GALNTL6: variants seen among roughly 807,000 people sequenced by gnomAD.
GALNTL6 encodes the protein polypeptide N-acetylgalactosaminyltransferase-like 6.
GALNTL6 carries 46 observed loss-of-function variants against 73.7 expected under a neutral mutation model. That is an observed-to-expected ratio of 0.62 (90% CI 0.49 to 0.80). The LOEUF is 0.80. Among genes scored for constraint, GALNTL6 ranks in the 30% least tolerant of loss-of-function variants. GALNTL6 has a pLI of 0.00. For missense variants in GALNTL6, 604 were observed against 755.0 expected, an observed-to-expected ratio of 0.80 and a Z score of 2.34; for synonymous variants, 259 against 263.7, an observed-to-expected ratio of 0.98 and a Z score of 0.17.
intron 5 of GALNTL6, among the ~76,000 whole-genome samples, chr4:172,706,692 C>T (rs1485098619): frequency 2.6e-5 from 4 of 152,118 alleles, no homozygotes; most frequent in Non-Finnish European, 5.9e-5. Context: ...TGCCATAACT[C>T]TTGAAAAAGT....
intron 2 of GALNTL6, among the ~76,000 whole-genome samples, chr4:171,945,705 A>G (rs776965962): frequency 6.6e-6 from 1 of 152,158 alleles, no homozygotes; most frequent in East Asian, 1.9e-4. Flanking sequence ...AGAGCTTATA[A>G]AACATGCATA....
intron 5 of GALNTL6, among the ~76,000 whole-genome samples, chr4:172,600,699 T>C (rs1344596462): frequency 6.6e-6 from 1 of 152,102 alleles, no homozygotes; most frequent in East Asian, 1.9e-4. Flanking sequence ...TGAACAGACC[T>C]CATTAAAAAT....
intron 2 of GALNTL6, among the ~76,000 whole-genome samples, chr4:172,187,372 T>G (rs1056442087): frequency 2.4e-4 from 36 of 152,170 alleles, no homozygotes; most frequent in Non-Finnish European, 5.9e-5. Context: ...CCACCTAGTC[T>G]ATTCAACTGA....
At position 172,478,803 on chromosome 4, in the gene GALNTL6, A is replaced by C. The variant is rs1733334302; in HGVS notation, c.553+130114A>C. The stretch of plus-strand genomic sequence containing the variant: ...AACCTATAAGGAACTCAAACAAATC[A>C]GCAACAATAACAACAAAAAACAGAT... On this transcript the variant is annotated intron_variant, in intron 5 of 12. Coordinates refer to ENST00000506823, the MANE Select transcript of GALNTL6 (RefSeq NM_001034845.3). 1.3e-5 allele frequency among the ~76,000 whole-genome samples: 2 copies of C among 152,190 alleles called. 1 individual carries two copies. The highest frequency in any genetic ancestry group is 4.8e-5 in the African/African-American group (2 of 41,454).
intron 5 of GALNTL6, among the ~76,000 whole-genome samples, chr4:172,374,133 T>C (rs1327112583): frequency 6.6e-5 from 10 of 152,334 alleles, no homozygotes; most frequent in Middle Eastern, 6.8e-3. Flanking sequence ...TTGTTTCTCA[T>C]TGGACAATCT....
chr4:172,568,118 G>A (rs1288862169), intron 5 of GALNTL6, among the ~76,000 whole-genome samples: 1 of 151,910 alleles, frequency 6.6e-6, no homozygotes, highest in Non-Finnish European at 1.5e-5. Context: ...TGCATTTTTT[G>A]CTCAAAAATG....
chr4:171,975,231 G>C (rs1739686089), intron 2 of GALNTL6, among the ~76,000 whole-genome samples: 1 of 152,076 alleles, frequency 6.6e-6, no homozygotes, highest in Non-Finnish European at 1.5e-5. Context: ...TAATTTTCTA[G>C]AAGTCATGCT....
intron 5 of GALNTL6, among the ~76,000 whole-genome samples, chr4:172,419,177 G>A (rs188208277): frequency 5.9e-5 from 9 of 152,080 alleles, no homozygotes; most frequent in Admixed American, 5.9e-4. Context: ...CATGAATATC[G>A]AGAATTTTTT....
intron 10 of GALNTL6, among the ~76,000 whole-genome samples, chr4:172,984,142 T>A (rs1184465144): frequency 6.6e-6 from 1 of 152,220 alleles, no homozygotes; most frequent in East Asian, 1.9e-4. Flanking sequence ...GTGTGCCAAC[T>A]GTTGTGTCTG....
At chr4:171,885,180 T>C (rs373807966) in intron 2 of GALNTL6, among the ~76,000 whole-genome samples, 6 of 152,182 alleles carry the variant, frequency 3.9e-5, no homozygotes, top group South Asian at 2.1e-4. Context: ...TAACCAAAGA[T>C]TGGGAATGCT....
intron 5 of GALNTL6, among the ~76,000 whole-genome samples, chr4:172,401,341 AT>A (rs1030529450): frequency 1.3e-4 from 20 of 152,252 alleles, no homozygotes; most frequent in East Asian, 1.9e-4. Flanking sequence ...TATTAATATC[AT>A]TTTTTAAAAC....
chr4:171,870,883 C>A lies in GALNTL6; in HGVS notation c.138+56165C>A, dbSNP rs921653680. ...CACCTTCAGAAGCAGCATGACCCTGCTGATACTTCAGTCATGGATTTCTTG... is the reference window on the plus strand; with the variant it reads ...CACCTTCAGAAGCAGCATGACCCTGATGATACTTCAGTCATGGATTTCTTG... On this transcript the variant is annotated intron_variant, in intron 2 of 12. Transcript: ENST00000506823. Among the ~76,000 whole-genome samples, 3 of 152,120 alleles carry A rather than the reference C, an allele frequency of 2.0e-5. No homozygotes were observed. The South Asian group carries it at 6.2e-4, about 32-fold the overall frequency.
At chr4:172,413,305 A>T (rs1188674788) in intron 5 of GALNTL6, among the ~76,000 whole-genome samples, 1 of 152,216 alleles carries the variant, frequency 6.6e-6, no homozygotes, top group African/African-American at 2.4e-5. Flanking sequence ...ATGTAGCTCC[A>T]CTTTTGATTA....
intron 2 of GALNTL6, among the ~76,000 whole-genome samples, chr4:172,166,617 T>G (rs1734633320): frequency 6.6e-6 from 1 of 152,196 alleles, no homozygotes; most frequent in Non-Finnish European, 1.5e-5. Context: ...ACATCTATTT[T>G]GATATAATCA....
At position 171,929,466 on chromosome 4, in the gene GALNTL6, C is replaced by T. The variant is rs145973784; in HGVS notation, c.138+114748C>T. On this transcript the variant is annotated intron_variant, in intron 2 of 12. Coordinates refer to ENST00000506823, the MANE Select transcript of GALNTL6 (RefSeq NM_001034845.3). ...AAGGGCCAACTAGACTTGCCTGGCACGCCCCAGACCCCCACCCCGCCATCA... is the reference window on the plus strand; with the variant it reads ...AAGGGCCAACTAGACTTGCCTGGCATGCCCCAGACCCCCACCCCGCCATCA... Among the ~76,000 whole-genome samples the T allele has an allele frequency of 1.9e-3, 284 of 152,218 alleles. 2 individuals are homozygous for T. The highest frequency in any genetic ancestry group is 0.013 in the Admixed American group (195 of 15,282).
intron 12 of GALNTL6, among the ~76,000 whole-genome samples, chr4:173,039,392 C>T (rs904272917): frequency 7.8e-6 from 1 of 128,136 alleles, no homozygotes; most frequent in Admixed American, 8.1e-5. Flanking sequence ...GAACCCGGCA[C>T]TTTTGACTGC....
intron 3 of GALNTL6, among the ~76,000 whole-genome samples, chr4:172,289,034 G>T (rs1320617388): frequency 6.6e-6 from 1 of 151,484 alleles, no homozygotes; most frequent in Admixed American, 6.6e-5. Flanking sequence ...CTTCATTATT[G>T]TCTTTCATAA....
rs1743915235 is a variant in GALNTL6 at position 172,398,116 on chromosome 4, T to C, written c.553+49427T>C. On this transcript the variant is annotated intron_variant, in intron 5 of 12. Coordinates refer to ENST00000506823, the MANE Select transcript of GALNTL6 (RefSeq NM_001034845.3). ...CTTCATCACCATACTGTTAGTATGA[T>C]GACAAACTAATTTCACATTAACAAA... Among the ~76,000 whole-genome samples the C allele has an allele frequency of 2.0e-5, 3 of 152,164 alleles. No individual in the cohort carries two copies. The South Asian group carries it at 6.2e-4, about 32-fold the overall frequency.
intron 3 of GALNTL6, among the ~76,000 whole-genome samples, chr4:172,310,806 G>GA (rs1441363384): frequency 6.6e-6 from 1 of 151,212 alleles, no homozygotes; most frequent in Non-Finnish European, 1.5e-5. Flanking sequence ...AATTATAAAA[G>GA]AAAAAAGTAA....
Sources: gnomAD v4.1 joint callset for allele counts (sites outside exome capture counted in the v4.1 genomes callset) on GRCh38, gnomAD v4.1.1 for gene constraint, MANE v1.5 for transcripts, NCBI Gene and HGNC (gene_info 2026-07-23, HGNC 2026-07-21) for gene names.